The following UBL4A variants were observed in gnomAD, a reference collection of about 807,000 sequenced individuals.
UBL4A encodes the protein ubiquitin-like protein 4A.
A neutral mutation model predicts 11.4 loss-of-function variants in UBL4A; 4 were observed. That is an observed-to-expected ratio of 0.35 (90% CI 0.17 to 0.81). The LOEUF (loss-of-function observed/expected upper bound fraction) is 0.81, where lower values mean the gene tolerates loss of function less well. UBL4A is among the 30% of genes least tolerant of loss of function. The probability of loss-of-function intolerance (pLI) is 0.52; values close to 1 mark genes in which losing one functional copy is unlikely to be tolerated. For missense variants in UBL4A, 112 were observed against 124.9 expected, an observed-to-expected ratio of 0.90 and a Z score of 0.49; for synonymous variants, 72 against 61.2, an observed-to-expected ratio of 1.18 and a Z score of -0.83.
intron 3 of UBL4A, 49 bp from the exon 4 acceptor site, chrX:154,485,698 G>A: frequency 7.3e-6 from 8 of 1,096,433 alleles, no homozygotes; most frequent in Non-Finnish European, 1.0e-5. Context: ...TGGTGGGGGG[G>A]CATACACTGC....
chrX:154,485,334 C>A lies in UBL4A; in HGVS notation c.*205G>T. 1.9e-6 allele frequency: 1 copy of A among 526,526 alleles called. No individual in the cohort carries two copies. Among genetic ancestry groups the A allele is most frequent in the Non-Finnish European group, 3.5e-6 (1 of 288,782 alleles). The allele number at this position is 526,526 out of a possible 1,213,427, so 43.4% of individuals were successfully genotyped here. A position where few individuals can be genotyped will look rare whatever the true frequency, so the allele number is the denominator to read the frequency against. ...TCCGACTGGGGCTGTGCCACTTCAT[C>A]GCCGGTGCCTCTGCTGTGCCGGCTC... On this transcript the variant is annotated 3_prime_UTR_variant, in exon 4 of 4. Coordinates refer to ENST00000369660, the MANE Select transcript of UBL4A (RefSeq NM_014235.5).
Position 154,486,215 on chromosome X carries a change from T to A in UBL4A, c.154+13A>T. ...CCTGCGGGGCTCCCCGGGCGTCTCCTCTCCCTGGGTACCTGCCAGGGCCTT... is the reference window on the plus strand; with the variant it reads ...CCTGCGGGGCTCCCCGGGCGTCTCCACTCCCTGGGTACCTGCCAGGGCCTT... On this transcript the variant is annotated intron_variant, in intron 2 of 3. Transcript: ENST00000369660. 8.7e-7 allele frequency: 1 copy of A among 1,147,562 alleles called. No individual in the cohort carries two copies. The allele number at this position is 1,147,562 out of a possible 1,213,427, so 94.6% of individuals were successfully genotyped here.
chrX:154,485,743 A>G (rs1557212684), intron 3 of UBL4A, 28 bp downstream of exon 3: 1 of 1,192,338 alleles, frequency 8.4e-7, no homozygotes, highest in Admixed American at 2.2e-5. Context: ...CTGGGCCTGA[A>G]GAGGATGCCC....
rs1280636244 is a variant in UBL4A at position 154,484,607 on chromosome X, C to T, written c.*932G>A. The stretch of plus-strand genomic sequence containing the variant: ...GTTTCTTCTCAGGCAACAAGGAGCA[C>T]ACAAAGTGAGCCCCTGTACACAGGT... On this transcript the variant is annotated 3_prime_UTR_variant, in exon 4 of 4. Coordinates refer to ENST00000369660, the MANE Select transcript of UBL4A (RefSeq NM_014235.5). The T allele has an allele frequency of 8.8e-6, 1 of 113,045 alleles. No individual in the cohort carries two copies. The highest frequency in any genetic ancestry group is 1.9e-5 in the Non-Finnish European group (1 of 53,379). 9.3% of individuals were successfully genotyped at this position (113,045 alleles called of 1,213,427 possible).
Position 154,485,048 on chromosome X carries a change from CGCACACTG to C in UBL4A, c.*483_*490del, listed in dbSNP as rs782609594. 8.2e-5 allele frequency: 25 copies of C among 305,226 alleles called. No individual in the cohort carries two copies. The highest frequency in any genetic ancestry group is 4.9e-4 in the African/African-American group (18 of 36,939). 25.2% of individuals were successfully genotyped at this position (305,226 alleles called of 1,213,427 possible). ...CCAATCTGCTTTTCCATTTGTCGAA[CGCACACTG>C]GCACACTGGCTGCAGCAGCTGCGGG... On this transcript the variant is annotated 3_prime_UTR_variant, in exon 4 of 4. Coordinates refer to ENST00000369660, the MANE Select transcript of UBL4A (RefSeq NM_014235.5).
In UBL4A at chrX:154,484,030, A is replaced by C. The variant is rs2069280081; in HGVS notation, c.*1509T>G. On this transcript the variant is annotated 3_prime_UTR_variant, in exon 4 of 4. Coordinates refer to ENST00000369660, the MANE Select transcript of UBL4A (RefSeq NM_014235.5). ...TGTTAAACCAATGATTGGATATCAGAAACAGCCTAGCTAATATAGCTCCTT... is the reference window on the plus strand; with the variant it reads ...TGTTAAACCAATGATTGGATATCAGCAACAGCCTAGCTAATATAGCTCCTT... 1 of 113,841 alleles carries C rather than the reference A, an allele frequency of 8.8e-6. No homozygotes were observed. Among genetic ancestry groups the C allele is most frequent in the African/African-American group, 3.2e-5 (1 of 31,408 alleles). The allele number at this position is 113,841 out of a possible 1,213,427, so 9.4% of individuals were successfully genotyped here. A position where few individuals can be genotyped will look rare whatever the true frequency, so the allele number is the denominator to read the frequency against.
chrX:154,486,476 C>T, intron 1 of UBL4A, 61 bp downstream of exon 1: 1 of 1,012,868 alleles, frequency 9.9e-7, no homozygotes, highest in Non-Finnish European at 1.3e-6. Flanking sequence ...CCTGCCGGTC[C>T]CCCTGCCAGG....
chrX:154,486,370 C>T, intron 1 of UBL4A, 37 bp from the exon 2 acceptor site: 1 of 1,096,819 alleles, frequency 9.1e-7, no homozygotes, highest in Non-Finnish European at 1.2e-6. Context: ...GGGTTGAGCC[C>T]GCGGCCCCCA....
intron 2 of UBL4A, 52 bp from the exon 3 acceptor site, chrX:154,486,031 C>A (rs1453742346): frequency 8.5e-7 from 1 of 1,179,473 alleles, no homozygotes. Flanking sequence ...GTGGGGGTGG[C>A]CCGGGGCGCG....
Position 154,485,648 on chromosome X carries a change from T to A in UBL4A, c.365A>T (p.Asp122Val), listed in dbSNP as rs1569554977. 3 of 1,175,194 alleles carry A rather than the reference T, an allele frequency of 2.6e-6. No homozygotes were observed. The Admixed American group carries it at 6.7e-5, about 26-fold the overall frequency. The change falls in exon 4 of 4, where the codon GAT (aspartate) becomes GTT (valine). Residue 122 changes from aspartate to valine, a missense_variant and splice_region_variant. Transcript: ENST00000369660. ...ASRVLEQLQR[D>V]YERSLSRLTL... is the part of the protein sequence containing the mutation. ...CAGGCGACTCAGGGACCTCTCGTAA[T>A]CCTGGGGAGAGAAGGGCAGGAAGAT...
At position 154,484,040 on chromosome X, in the gene UBL4A, G is replaced by A. The variant is rs11689; in HGVS notation, c.*1499C>T. 1 of 113,683 alleles carries A rather than the reference G, an allele frequency of 8.8e-6. No individual in the cohort carries two copies. The highest frequency in any genetic ancestry group is 1.9e-5 in the Non-Finnish European group (1 of 53,480). 9.4% of individuals were successfully genotyped at this position (113,683 alleles called of 1,213,427 possible). On this transcript the variant is annotated 3_prime_UTR_variant, in exon 4 of 4. Coordinates refer to ENST00000369660, the MANE Select transcript of UBL4A (RefSeq NM_014235.5). Reference sequence around the variant, plus strand: ...ATGATTGGATATCAGAAACAGCCTAGCTAATATAGCTCCTTTTGGATAAAA... The same window carrying A: ...ATGATTGGATATCAGAAACAGCCTAACTAATATAGCTCCTTTTGGATAAAA...
chrX:154,485,515 G>A lies in UBL4A; in HGVS notation c.*24C>T, dbSNP rs782498348. ...ACATGCAGCGGTAGCCTGGCGTTGG[G>A]CACCTCCCCATGCTCCGAGAATTCT... On this transcript the variant is annotated 3_prime_UTR_variant, in exon 4 of 4. Transcript: ENST00000369660. 8.4e-7 allele frequency: 1 copy of A among 1,189,199 alleles called. No homozygotes were observed. The highest frequency in any genetic ancestry group is 1.7e-5 in the African/African-American group (1 of 57,176).
In UBL4A at chrX:154,486,525, C is replaced by T. The variant is rs1292699607; in HGVS notation, c.48+12G>A. 31 of 1,032,790 alleles carry T rather than the reference C, an allele frequency of 3.0e-5. No individual in the cohort carries two copies. Among genetic ancestry groups the T allele is most frequent in the Non-Finnish European group, 3.8e-5 (31 of 808,790 alleles). 85.1% of individuals were successfully genotyped at this position (1,032,790 alleles called of 1,213,427 possible). A position where few individuals can be genotyped will look rare whatever the true frequency, so the allele number is the denominator to read the frequency against. ...GCGCGCCGGACCCGGCGGCCCGGCC[C>T]GGGGACCCTACCTGCAGGCTGCACT... On this transcript the variant is annotated intron_variant, in intron 1 of 3. Coordinates refer to ENST00000369660, the MANE Select transcript of UBL4A (RefSeq NM_014235.5).
chrX:154,484,270 T>C lies in UBL4A; in HGVS notation c.*1269A>G, dbSNP rs1312262293. On this transcript the variant is annotated 3_prime_UTR_variant, in exon 4 of 4. Transcript: ENST00000369660. ...GGGGGCCAGGGGCTTCTGTGTGCTC[T>C]TCAAAGCCTTCACCCATTGGGCCTC... The C allele has an allele frequency of 8.9e-6, 1 of 112,981 alleles. No homozygotes were observed. The highest frequency in any genetic ancestry group is 3.2e-5 in the African/African-American group (1 of 31,100). The allele number at this position is 112,981 out of a possible 1,213,427, so 9.3% of individuals were successfully genotyped here. A position where few individuals can be genotyped will look rare whatever the true frequency, so the allele number is the denominator to read the frequency against.
Position 154,485,515 on chromosome X carries a change from G to T in UBL4A, c.*24C>A. On this transcript the variant is annotated 3_prime_UTR_variant, in exon 4 of 4. Coordinates refer to ENST00000369660, the MANE Select transcript of UBL4A (RefSeq NM_014235.5). Reference sequence around the variant, plus strand: ...ACATGCAGCGGTAGCCTGGCGTTGGGCACCTCCCCATGCTCCGAGAATTCT... The same window carrying T: ...ACATGCAGCGGTAGCCTGGCGTTGGTCACCTCCCCATGCTCCGAGAATTCT... The T allele has an allele frequency of 8.4e-7, 1 of 1,190,633 alleles. No homozygotes were observed. Among genetic ancestry groups the T allele is most frequent in the Non-Finnish European group, 1.1e-6 (1 of 876,385 alleles).
Position 154,485,487 on chromosome X carries a change from G to C in UBL4A, c.*52C>G, listed in dbSNP as rs782115238. 1.6e-5 allele frequency: 18 copies of C among 1,117,591 alleles called. No individual in the cohort carries two copies. Among genetic ancestry groups the C allele is most frequent in the Non-Finnish European group, 2.1e-5 (17 of 810,997 alleles). The allele number at this position is 1,117,591 out of a possible 1,213,427, so 92.1% of individuals were successfully genotyped here. ...ACTGCAACAGGAGAACACACTTAGTGCGACATGCAGCGGTAGCCTGGCGTT... is the reference window on the plus strand; with the variant it reads ...ACTGCAACAGGAGAACACACTTAGTCCGACATGCAGCGGTAGCCTGGCGTT... On this transcript the variant is annotated 3_prime_UTR_variant, in exon 4 of 4. Coordinates refer to ENST00000369660, the MANE Select transcript of UBL4A (RefSeq NM_014235.5).
chrX:154,485,168 C>T lies in UBL4A; in HGVS notation c.*371G>A, dbSNP rs2069286401. On this transcript the variant is annotated 3_prime_UTR_variant, in exon 4 of 4. Transcript: ENST00000369660. ...GTTGGACCCGCCAGAAGTCAGGTGA[C>T]AGCTGCTTTCCCTTTCAGGATCGGG... The T allele has an allele frequency of 2.3e-6, 1 of 429,554 alleles. No individual in the cohort carries two copies. The highest frequency in any genetic ancestry group is 4.1e-6 in the Non-Finnish European group (1 of 244,216). 35.4% of individuals were successfully genotyped at this position (429,554 alleles called of 1,213,427 possible).
At chrX:154,485,699 C>A (rs782797222) in intron 3 of UBL4A, 50 bp from the exon 4 acceptor site, 1 of 1,176,502 alleles carries the variant, frequency 8.5e-7, no homozygotes, top group Non-Finnish European at 1.2e-6. Context: ...GGTGGGGGGG[C>A]ATACACTGCA....
Position 154,484,582 on chromosome X carries a change from G to C in UBL4A, c.*957C>G, listed in dbSNP as rs1009673503. ...TCTGCCCCCACCCTGGCACCCCAAG[G>C]TTTCTTCTCAGGCAACAAGGAGCAC... is the stretch of plus-strand genomic sequence containing the variant. On this transcript the variant is annotated 3_prime_UTR_variant, in exon 4 of 4. Coordinates refer to ENST00000369660, the MANE Select transcript of UBL4A (RefSeq NM_014235.5). 8.9e-6 allele frequency: 1 copy of C among 112,835 alleles called. No individual in the cohort carries two copies. Among genetic ancestry groups the C allele is most frequent in the African/African-American group, 3.2e-5 (1 of 31,068 alleles). The allele number at this position is 112,835 out of a possible 1,213,427, so 9.3% of individuals were successfully genotyped here.
Sources: allele counts gnomAD v4.1 joint callset, GRCh38; gene constraint gnomAD v4.1.1; transcripts MANE v1.5; gene names NCBI Gene and HGNC (gene_info 2026-07-23, HGNC 2026-07-21).